TRDN: variants seen among roughly 807,000 people sequenced by gnomAD.
The protein encoded by TRDN is triadin.
In TRDN, 161 loss-of-function variants were observed where a neutral mutation model predicts 149.7. That is an observed-to-expected ratio of 1.08 (90% CI 0.95 to 1.23). The LOEUF is 1.23. Among genes scored for constraint, TRDN ranks in the 50% most tolerant of loss-of-function variants. The pLI is 0.00. For synonymous variants in TRDN, 294 were observed against 250.5 expected (o/e 1.17, Z -1.64); for missense variants, 896 against 823.5 (o/e 1.09, Z -1.08).
chr6:123,312,846 T>C (rs1191671025), intron 24 of TRDN, among the ~76,000 whole-genome samples: 1 of 152,006 alleles, frequency 6.6e-6, no homozygotes, highest in Non-Finnish European at 1.5e-5. Flanking sequence ...ATTACACTCT[T>C]TGAGAATGGA....
intron 38 of TRDN, among the ~76,000 whole-genome samples, chr6:123,230,567 G>C (rs1231617318): frequency 6.6e-6 from 1 of 151,236 alleles, no homozygotes. Context: ...AAAGAAAAAT[G>C]ATAAAACCAC....
At chr6:123,226,585 T>G (rs1290020838) in intron 38 of TRDN, among the ~76,000 whole-genome samples, 1 of 151,812 alleles carries the variant, frequency 6.6e-6, no homozygotes, top group African/African-American at 2.4e-5. Context: ...CACATGTCAA[T>G]CGCTCAGGAG....
chr6:123,253,545 A>AT (rs1554217651), intron 37 of TRDN, among the ~76,000 whole-genome samples: 1 of 152,092 alleles, frequency 6.6e-6, no homozygotes, highest in Non-Finnish European at 1.5e-5. Flanking sequence ...ACATGTTATT[A>AT]TTTTTTTCTT....
At chr6:123,290,754 T>C (rs1487779571) in intron 24 of TRDN, among the ~76,000 whole-genome samples, 1 of 152,204 alleles carries the variant, frequency 6.6e-6, no homozygotes, top group Non-Finnish European at 1.5e-5. Context: ...ATATCCTTTA[T>C]TTGGAAAAAA....
intron 32 of TRDN, 26 bp from the exon 33 acceptor site, chr6:123,265,364 G>A: frequency 7.3e-7 from 1 of 1,365,070 alleles, no homozygotes; most frequent in South Asian, 1.4e-5. Context: ...GAAAAAAAAA[G>A]AAAATGAGTG....
At chr6:123,571,555 A>G (rs1043080084) in intron 1 of TRDN, among the ~76,000 whole-genome samples, 1 of 152,132 alleles carries the variant, frequency 6.6e-6, no homozygotes, top group African/African-American at 2.4e-5. Context: ...TAATGATGTT[A>G]GAAAGTCTTA....
Position 123,509,994 on chromosome 6 carries a change from A to T in TRDN, c.610+2309T>A, listed in dbSNP as rs576630324. 2.0e-5 allele frequency: 3 copies of T among 152,246 alleles called. No homozygotes were observed. The South Asian group carries it at 6.2e-4, about 32-fold the overall frequency. The allele number at this position is 152,246 out of a possible 1,614,324, so 9.4% of individuals were successfully genotyped here. On this transcript the variant is annotated intron_variant, in intron 7 of 40. Transcript: ENST00000334268. The stretch of plus-strand genomic sequence containing the variant: ...CTTCATCTGTTAAACGAGGTAATTA[A>T]TTTAGATGATCTTTAAAATGTCCAC...
intron 21 of TRDN, chr6:123,349,602 C>G: frequency 1.1e-6 from 1 of 895,900 alleles, no homozygotes. Context: ...ACTAAATCTT[C>G]TGTTTTACTT....
At chr6:123,350,592 A>C (rs780084183) in intron 21 of TRDN, 33 of 717,082 alleles carry the variant, frequency 4.6e-5, no homozygotes, top group Non-Finnish European at 5.5e-5. Flanking sequence ...ATAGAATGTC[A>C]TTATTACTTC....
chr6:123,338,538 G>A (rs1244015438), intron 21 of TRDN, among the ~76,000 whole-genome samples: 3 of 152,154 alleles, frequency 2.0e-5, no homozygotes, highest in Non-Finnish European at 2.9e-5. Flanking sequence ...CCCCAGCTGA[G>A]CTCCCAGCCA....
intron 38 of TRDN, among the ~76,000 whole-genome samples, chr6:123,249,962 C>A (rs929948388): frequency 1.3e-5 from 2 of 151,858 alleles, no homozygotes; most frequent in African/African-American, 4.8e-5. Context: ...AAGGACTCCA[C>A]CAAAAAAACT....
chr6:123,301,759 A>ATGTATGTATG (rs1778415377), intron 24 of TRDN, among the ~76,000 whole-genome samples: 1 of 83,300 alleles, frequency 1.2e-5, no homozygotes, highest in Admixed American at 1.5e-4. Flanking sequence ...ATACATATAT[A>ATGTATGTATG]TATATATATA....
In TRDN at chr6:123,443,713, C is replaced by T. The variant is rs34744704; in HGVS notation, c.932-4710G>A. 2.3e-4 allele frequency among the ~76,000 whole-genome samples: 34 copies of T among 148,286 alleles called. 1 individual carries two copies. In the South Asian group the frequency reaches 7.2e-3, roughly 31 times the overall value. The stretch of plus-strand genomic sequence containing the variant: ...ATTTTTGTATAAGGTGTAAGGAAGG[C>T]ATCTAGTTTCAGCTTTCTACATATG... On this transcript the variant is annotated intron_variant, in intron 10 of 40. Transcript: ENST00000334268.
intron 20 of TRDN, among the ~76,000 whole-genome samples, chr6:123,354,293 T>G (rs1465452184): frequency 6.6e-6 from 1 of 151,866 alleles, no homozygotes; most frequent in South Asian, 2.1e-4. Flanking sequence ...TTATTCTTTT[T>G]GTTAAAAATG....
At chr6:123,367,869 T>C (rs1318809066) in intron 19 of TRDN, among the ~76,000 whole-genome samples, 3 of 152,178 alleles carry the variant, frequency 2.0e-5, no homozygotes, top group Non-Finnish European at 4.4e-5. Flanking sequence ...ATTCCTACTG[T>C]GAGTCCCCCT....
intron 1 of TRDN, among the ~76,000 whole-genome samples, chr6:123,632,226 G>A (rs1786042477): frequency 6.6e-6 from 1 of 152,018 alleles, no homozygotes; most frequent in African/African-American, 2.4e-5. Flanking sequence ...GCCTACTATG[G>A]TGTAGATTTT....
chr6:123,407,844 G>A (rs1488327339), intron 12 of TRDN, among the ~76,000 whole-genome samples: 1 of 152,058 alleles, frequency 6.6e-6, no homozygotes, highest in Non-Finnish European at 1.5e-5. Flanking sequence ...TATAAACCTT[G>A]AAAATTATAG....
intron 1 of TRDN, among the ~76,000 whole-genome samples, chr6:123,584,345 C>A (rs888507714): frequency 6.6e-6 from 1 of 151,994 alleles, no homozygotes; most frequent in Admixed American, 6.6e-5. Flanking sequence ...GTGATTTTGA[C>A]GGCCTCTAAA....
chr6:123,432,186 A>G (rs997696518), intron 12 of TRDN, among the ~76,000 whole-genome samples: 2 of 152,166 alleles, frequency 1.3e-5, no homozygotes, highest in Non-Finnish European at 2.9e-5. Context: ...GCTTTGTTAA[A>G]ATACATTTCA....
Sources: gnomAD v4.1 joint callset for allele counts (sites outside exome capture counted in the v4.1 genomes callset) on GRCh38, gnomAD v4.1.1 for gene constraint, MANE v1.5 for transcripts, NCBI Gene and HGNC (gene_info 2026-07-23, HGNC 2026-07-21) for gene names.